Variants in PRDM16 observed in about 807,000 individuals in gnomAD.
PRDM16 encodes PR/SET domain 16.
In PRDM16, 23 loss-of-function variants were observed where a neutral mutation model predicts 110.6. The ratio of observed to expected loss-of-function variants is 0.21; its 90% CI spans 0.15 to 0.29. PRDM16 has a LOEUF of 0.29. Ranked by LOEUF, PRDM16 falls within the 10% of genes least tolerant of loss-of-function variation. The pLI is 1.00. For synonymous variants in PRDM16, 799 were observed against 781.8 expected, an observed-to-expected ratio of 1.02 and a Z score of -0.37; for missense variants, 1,615 against 1,794.3, an observed-to-expected ratio of 0.90 and a Z score of 1.81.
chr1:3,417,451 C>G (rs377438902), intron 10 of PRDM16, among the ~76,000 whole-genome samples: 48 of 152,264 alleles, frequency 3.2e-4, no homozygotes, highest in African/African-American at 1.2e-3. Flanking sequence ...AAGTGCTGGC[C>G]AGGAGTCAAG....
At chr1:3,347,454 T>A (rs1642383588) in intron 3 of PRDM16, among the ~76,000 whole-genome samples, 1 of 152,322 alleles carries the variant, frequency 6.6e-6, no homozygotes, top group African/African-American at 2.4e-5. Context: ...GCCATCCATC[T>A]GCTCCTGGAA....
At chr1:3,247,604 C>T (rs770547417) in intron 3 of PRDM16, among the ~76,000 whole-genome samples, 1 of 152,254 alleles carries the variant, frequency 6.6e-6, no homozygotes, top group Non-Finnish European at 1.5e-5. Context: ...GCCCTGGACT[C>T]CCGCGTTCCC....
intron 14 of PRDM16, among the ~76,000 whole-genome samples, chr1:3,428,172 C>T (rs1363417949): frequency 6.7e-6 from 1 of 150,238 alleles, no homozygotes; most frequent in Non-Finnish European, 1.5e-5. Flanking sequence ...GCAGCCCGGC[C>T]GCACTGCAGG....
chr1:3,160,701 C>T (rs536034364), intron 1 of PRDM16, among the ~76,000 whole-genome samples: 30 of 152,326 alleles, frequency 2.0e-4, no homozygotes, highest in African/African-American at 7.2e-4. Context: ...CTGATGATGA[C>T]GGTGACCCTT....
intron 3 of PRDM16, among the ~76,000 whole-genome samples, chr1:3,315,581 T>C (rs1641582407): frequency 6.6e-6 from 1 of 152,212 alleles, no homozygotes; most frequent in Non-Finnish European, 1.5e-5. Context: ...TTCTTTGTTG[T>C]ACTTTTTTAA....
intron 3 of PRDM16, among the ~76,000 whole-genome samples, chr1:3,286,127 CCTCCAG>C (rs1640838226): frequency 6.6e-6 from 1 of 152,172 alleles, no homozygotes; most frequent in Non-Finnish European, 1.5e-5. Flanking sequence ...AGCCTCTCCT[CCTCCAG>C]CTCCCTCTCC....
intron 3 of PRDM16, among the ~76,000 whole-genome samples, chr1:3,259,014 C>T (rs1350480061): frequency 1.3e-5 from 2 of 152,238 alleles, no homozygotes; most frequent in African/African-American, 2.4e-5. Context: ...CTGTTTTGGA[C>T]GAGAAATGCA....
At chr1:3,284,129 G>T (rs566310564) in intron 3 of PRDM16, among the ~76,000 whole-genome samples, 1 of 152,136 alleles carries the variant, frequency 6.6e-6, no homozygotes, top group African/African-American at 2.4e-5. Context: ...CCCGTAGCCC[G>T]CCCGGGAAGC....
intron 8 of PRDM16, 32 bp from the exon 9 acceptor site, chr1:3,411,352 C>G: frequency 1.3e-6 from 2 of 1,574,812 alleles, no homozygotes. Context: ...TCATTTCATG[C>G]GGGTTTGTCT....
intron 1 of PRDM16, among the ~76,000 whole-genome samples, chr1:3,132,119 G>A (rs965382194): frequency 6.6e-6 from 1 of 152,172 alleles, no homozygotes; most frequent in Non-Finnish European, 1.5e-5. Flanking sequence ...ACTTTTTAAA[G>A]GTTTAGACGT....
At chr1:3,083,263 G>A (rs1344477020) in intron 1 of PRDM16, among the ~76,000 whole-genome samples, 2 of 152,194 alleles carry the variant, frequency 1.3e-5, no homozygotes, top group African/African-American at 4.8e-5. Context: ...GCCCCACCAA[G>A]CAGCAACCTG....
rs750050306 is a variant in PRDM16 at position 3,417,969 on chromosome 1, A to G, written c.2833A>G (p.Arg945Gly). 21 of 1,609,806 alleles carry G rather than the reference A, an allele frequency of 1.3e-5. No homozygotes were observed. The highest frequency in any genetic ancestry group is 1.7e-5 in the Non-Finnish European group (20 of 1,179,044). Residue 945 changes from arginine to glycine, a missense_variant, in exon 11 of 17, where the codon AGG becomes GGG. Around this residue, in one of 5 missense-constraint regions of PRDM16, gnomAD observed 772 missense variants for 748.3 expected, o/e 1.03. Coordinates refer to ENST00000270722, the MANE Select transcript of PRDM16 (RefSeq NM_022114.4). ...PPPTLSDPILRKGKERYTCRY... is the reference protein window; with the variant it reads ...PPPTLSDPILGKGKERYTCRY... ...CCCAACGCTCTCCGACCCCATCCTC[A>G]GGAAGGGCAAGGAGCGATACACGTG... is the stretch of plus-strand genomic sequence containing the variant.
At chr1:3,158,885 C>T (rs952315150) in intron 1 of PRDM16, among the ~76,000 whole-genome samples, 43 of 151,900 alleles carry the variant, frequency 2.8e-4, no homozygotes, top group African/African-American at 1.0e-3. Context: ...GCAATTCTCC[C>T]TGCCCCAACC....
chr1:3,434,291 T>C lies in PRDM16; in HGVS notation c.*480T>C. ...TGACTGCAGAGTCTATTTAAGCATG[T>C]GGTTTTAAAAATAGACAGTATTTTT... On this transcript the variant is annotated 3_prime_UTR_variant, in exon 17 of 17. Coordinates refer to ENST00000270722, the MANE Select transcript of PRDM16 (RefSeq NM_022114.4). 4.3e-6 allele frequency: 1 copy of C among 233,534 alleles called. No homozygotes were observed. 14.5% of individuals were successfully genotyped at this position (233,534 alleles called of 1,614,324 possible). A position where few individuals can be genotyped will look rare whatever the true frequency, so the allele number is the denominator to read the frequency against.
chr1:3,100,291 C>T (rs563095084), intron 1 of PRDM16, among the ~76,000 whole-genome samples: 1 of 152,306 alleles, frequency 6.6e-6, no homozygotes, highest in South Asian at 2.1e-4. Flanking sequence ...ACATCACAGA[C>T]CCGTTCGCTC....
intron 1 of PRDM16, among the ~76,000 whole-genome samples, chr1:3,077,405 T>C (rs562971133): frequency 6.6e-6 from 1 of 152,278 alleles, no homozygotes; most frequent in South Asian, 2.1e-4. Context: ...ACTCTCCCCT[T>C]TGTGAAACCA....
chr1:3,321,688 CACGTGTGTGTGCTTTGTGTGGGTGT>C (rs1641753211), intron 3 of PRDM16, among the ~76,000 whole-genome samples: 1 of 150,020 alleles, frequency 6.7e-6, no homozygotes, highest in Non-Finnish European at 1.5e-5. Context: ...TGTGTGGGTG[CACGTGTGTGTGCTTTGTGTGGGTGT>C]ACATGTGTAT....
intron 3 of PRDM16, among the ~76,000 whole-genome samples, chr1:3,268,801 G>A (rs1048470133): frequency 4.6e-5 from 7 of 152,180 alleles, no homozygotes; most frequent in Non-Finnish European, 7.4e-5. Flanking sequence ...GAGGGCAGCC[G>A]TGAGCCATGA....
At chr1:3,183,201 C>A (rs929741018) in intron 1 of PRDM16, among the ~76,000 whole-genome samples, 1 of 152,156 alleles carries the variant, frequency 6.6e-6, no homozygotes, top group Admixed American at 6.5e-5. Context: ...TGAAAAGATG[C>A]CCACGTCCAG....
Sources: gnomAD v4.1 joint callset for allele counts (sites outside exome capture counted in the v4.1 genomes callset) on GRCh38, gnomAD v4.1.1 for gene constraint, gnomAD v4.1.1 regional missense constraint, MANE v1.5 for transcripts, NCBI Gene and HGNC (gene_info 2026-07-23, HGNC 2026-07-21) for gene names.